The following MARCHF1 variants were observed in gnomAD, a reference collection of about 807,000 sequenced individuals.
MARCHF1 encodes the protein membrane associated ring-CH-type finger 1.
MARCHF1 carries 40 observed loss-of-function variants against 54.2 expected under a neutral mutation model. The observed-to-expected ratio is 0.74, with a 90% CI of 0.57 to 0.96. The LOEUF is 0.96. Among genes scored for constraint, MARCHF1 ranks in the 40% least tolerant of loss-of-function variants. MARCHF1 has a pLI of 0.00. For synonymous variants in MARCHF1, 236 were observed against 236.3 expected (o/e 1.00, Z 0.01); for missense variants, 586 against 656.5 (o/e 0.89, Z 1.17).
chr4:163,834,096 A>G (rs1007589726), intron 4 of MARCHF1, among the ~76,000 whole-genome samples: 3 of 152,230 alleles, frequency 2.0e-5, no homozygotes, highest in Admixed American at 6.5e-5. Context: ...GGAGAAAGAG[A>G]CAATATGTTC....
intron 2 of MARCHF1, among the ~76,000 whole-genome samples, chr4:164,092,605 T>A (rs1378026059): frequency 2.0e-5 from 3 of 152,162 alleles, no homozygotes; most frequent in Non-Finnish European, 2.9e-5. Context: ...ATAACCAACT[T>A]ACAGAATTTT....
rs1004715816 is a variant in MARCHF1 at position 163,774,123 on chromosome 4, G to A, written c.112-73260C>T. Among the ~76,000 whole-genome samples the A allele has an allele frequency of 1.1e-4, 16 of 152,208 alleles. No homozygotes were observed. The East Asian group carries it at 2.9e-3, about 27-fold the overall frequency. On this transcript the variant is annotated intron_variant, in intron 4 of 9. Transcript: ENST00000514618. Reference sequence around the variant, plus strand: ...ATGCTCAACTTCCTTATATAAAATGGCATAGTATTTGCATATAACCTGTGC... The same window carrying A: ...ATGCTCAACTTCCTTATATAAAATGACATAGTATTTGCATATAACCTGTGC...
chr4:163,657,745 G>A (rs1256290678), intron 5 of MARCHF1, among the ~76,000 whole-genome samples: 3 of 152,056 alleles, frequency 2.0e-5, no homozygotes, highest in African/African-American at 7.2e-5. Flanking sequence ...AGAGAACTCA[G>A]AAATAAGACT....
chr4:163,733,205 A>ACG (rs775632717), intron 4 of MARCHF1, among the ~76,000 whole-genome samples: 2,673 of 33,236 alleles, frequency 0.08, 471 homozygotes, highest in East Asian at 0.23. Flanking sequence ...ATATATATAT[A>ACG]TATATATATA....
chr4:164,185,962 C>T (rs1035063631), intron 1 of MARCHF1, among the ~76,000 whole-genome samples: 10 of 152,148 alleles, frequency 6.6e-5, no homozygotes, highest in Non-Finnish European at 1.5e-4. Context: ...GGCGTGACCT[C>T]GGCTCACTGC....
At chr4:163,606,301 T>C (rs1008345720) in intron 7 of MARCHF1, among the ~76,000 whole-genome samples, 1 of 152,132 alleles carries the variant, frequency 6.6e-6, no homozygotes, top group African/African-American at 2.4e-5. Flanking sequence ...TCTCTTAGCA[T>C]GCACTGATTC....
chr4:164,232,256 A>G (rs754646891), intron 1 of MARCHF1, among the ~76,000 whole-genome samples: 142 of 152,162 alleles, frequency 9.3e-4, no homozygotes, highest in Middle Eastern at 3.2e-3. Context: ...TAATACAGTT[A>G]TCACACGACA....
intron 5 of MARCHF1, among the ~76,000 whole-genome samples, chr4:163,665,844 G>A (rs1743513772): frequency 6.6e-6 from 1 of 151,810 alleles, no homozygotes; most frequent in African/African-American, 2.4e-5. Context: ...ATAACTATAG[G>A]CCATTAGTTT....
chr4:163,631,397 T>G (rs1171250012), intron 5 of MARCHF1, among the ~76,000 whole-genome samples: 1 of 152,152 alleles, frequency 6.6e-6, no homozygotes, highest in Non-Finnish European at 1.5e-5. Context: ...TTCACCGTGT[T>G]GGCCAGGCTG....
At chr4:163,693,844 G>A (rs1219379531) in intron 5 of MARCHF1, among the ~76,000 whole-genome samples, 1 of 152,154 alleles carries the variant, frequency 6.6e-6, no homozygotes, top group Non-Finnish European at 1.5e-5. Context: ...CTACTTGGGA[G>A]AGCAAGAAAT....
chr4:163,834,986 ATCC>A (rs964574462), intron 4 of MARCHF1, among the ~76,000 whole-genome samples: 1 of 151,948 alleles, frequency 6.6e-6, no homozygotes, highest in Non-Finnish European at 1.5e-5. Flanking sequence ...GGTTCAAGCT[ATCC>A]TCCTAAGTTC....
At chr4:163,954,068 T>C (rs887423324) in intron 3 of MARCHF1, among the ~76,000 whole-genome samples, 4 of 152,182 alleles carry the variant, frequency 2.6e-5, no homozygotes, top group Admixed American at 2.6e-4. Flanking sequence ...AACAATAGGT[T>C]GTGTACAGTA....
At chr4:163,768,183 C>T (rs28662907) in intron 4 of MARCHF1, among the ~76,000 whole-genome samples, 2 of 152,062 alleles carry the variant, frequency 1.3e-5, no homozygotes, top group Admixed American at 6.5e-5. Context: ...TAGGAGCTTG[C>T]GCAATCTATG....
In MARCHF1 at chr4:163,592,515, AT is replaced by A. The variant is rs577036971; in HGVS notation, c.1011-6587del. On this transcript the variant is annotated intron_variant, in intron 7 of 9. Coordinates refer to ENST00000514618, the MANE Select transcript of MARCHF1 (RefSeq NM_001394959.1). ...CCAAGAGTCGCAAGTAATCAGCCAC[AT>A]TTTTTTTTTTTTCACCACCAGACAT... Among the ~76,000 whole-genome samples the A allele has an allele frequency of 7.2e-3, 1,042 of 144,082 alleles. 2 individuals carry two copies. Among genetic ancestry groups the A allele is most frequent in the African/African-American group, 0.017 (676 of 39,644 alleles). 94.5% of individuals were successfully genotyped at this position (144,082 alleles called of 152,430 possible). A position where few individuals can be genotyped will look rare whatever the true frequency, so the allele number is the denominator to read the frequency against.
chr4:163,575,092 T>C (rs1455666209), intron 8 of MARCHF1, among the ~76,000 whole-genome samples: 1 of 152,000 alleles, frequency 6.6e-6, no homozygotes, highest in African/African-American at 2.4e-5. Context: ...TAAGCATCCT[T>C]TTCTTGCTCC....
Position 164,278,868 on chromosome 4 carries a change from C to T in MARCHF1, c.-323+105002G>A, listed in dbSNP as rs558525097. ...TTATTGTATTTTATTTTTTCCCCAG[C>T]GTTTAGACTACACAATGAGTTAAGA... On this transcript the variant is annotated intron_variant, in intron 1 of 9. Transcript: ENST00000514618. Among the ~76,000 whole-genome samples the T allele has an allele frequency of 3.9e-5, 6 of 152,122 alleles. No individual in the cohort carries two copies. In the South Asian group the frequency reaches 8.3e-4, roughly 21 times the overall value.
At chr4:164,343,314 T>C (rs1240591976) in intron 1 of MARCHF1, among the ~76,000 whole-genome samples, 1 of 152,114 alleles carries the variant, frequency 6.6e-6, no homozygotes, top group Non-Finnish European at 1.5e-5. Context: ...TTTTTTTAAA[T>C]AGTCTGTTCA....
chr4:163,708,476 G>T (rs1745013512), intron 4 of MARCHF1, among the ~76,000 whole-genome samples: 1 of 152,096 alleles, frequency 6.6e-6, no homozygotes, highest in African/African-American at 2.4e-5. Context: ...CATCAATAAA[G>T]AATTGTTAAG....
At chr4:163,565,898 T>C (rs1739629876) in intron 8 of MARCHF1, among the ~76,000 whole-genome samples, 1 of 152,174 alleles carries the variant, frequency 6.6e-6, no homozygotes, top group Non-Finnish European at 1.5e-5. Flanking sequence ...ATTAGTTAAA[T>C]AGAAAACAAA....
Sources: allele counts gnomAD v4.1 joint callset (sites outside exome capture counted in the v4.1 genomes callset), GRCh38; gene constraint gnomAD v4.1.1; transcripts MANE v1.5; gene names NCBI Gene and HGNC (gene_info 2026-07-23, HGNC 2026-07-21).